The following CBFA2T2 variants were observed in gnomAD, a reference collection of about 807,000 sequenced individuals.
CBFA2T2 encodes the protein CBFA2/RUNX1 partner transcriptional co-repressor 2.
Under a neutral mutation model 62.2 loss-of-function variants are expected in CBFA2T2, and 11 were observed. The ratio of observed to expected loss-of-function variants is 0.18; its 90% confidence interval spans 0.11 to 0.29. The LOEUF (loss-of-function observed/expected upper bound fraction) is 0.29. Among genes scored for constraint, CBFA2T2 ranks in the 10% least tolerant of loss-of-function variants. The pLI, the probability that CBFA2T2 is intolerant of heterozygous loss-of-function variation, is 1.00. For synonymous variants in CBFA2T2, 295 were observed against 287.5 expected, an observed-to-expected ratio of 1.03 and a Z score of -0.27; for missense variants, 592 against 774.1, an observed-to-expected ratio of 0.76 and a Z score of 2.79.
intron 1 of CBFA2T2, among the ~76,000 whole-genome samples, chr20:33,537,508 GGTGAGA>G (rs1264813603): frequency 1.3e-5 from 2 of 152,166 alleles, no homozygotes; most frequent in Non-Finnish European, 2.9e-5. Flanking sequence ...CGTGGGCCGT[GGTGAGA>G]GTGAGAGGGA....
chr20:33,613,748 T>G (rs2015608411), intron 3 of CBFA2T2, among the ~76,000 whole-genome samples: 1 of 152,180 alleles, frequency 6.6e-6, no homozygotes, highest in African/African-American at 2.4e-5. Flanking sequence ...TAAACCTGTT[T>G]ATTCCTCAAA....
Position 33,569,232 on chromosome 20 carries a change from A to G in CBFA2T2, c.35-37724A>G, listed in dbSNP as rs565239037. Among the ~76,000 whole-genome samples, 3 of 152,352 alleles carry G rather than the reference A, an allele frequency of 2.0e-5. No individual in the cohort carries two copies. In the South Asian group the frequency reaches 6.2e-4, roughly 32 times the overall value. On this transcript the variant is annotated intron_variant, in intron 1 of 10. Transcript: ENST00000342704. ...GTTTGTTAAATTTAATCCAGTGGGC[A>G]GTATGTTAGGAAAGGGGCCTAGTTT...
Position 33,624,253 on chromosome 20 carries a change from AAAG to A in CBFA2T2, c.693-508_693-506del, listed in dbSNP as rs869291964. Among the ~76,000 whole-genome samples the A allele has an allele frequency of 6.0e-3, 909 of 150,736 alleles. 4 individuals are homozygous for A. Among genetic ancestry groups the A allele is most frequent in the African/African-American group, 0.021 (861 of 40,840 alleles). ...TTTAAAAGTAAAAAAAAAAAAAAAA[AAAG>A]AAAATTTATTACAGTTGAATCTGAG... On this transcript the variant is annotated intron_variant, in intron 5 of 10. Transcript: ENST00000342704.
chr20:33,556,212 T>C (rs2012894569), intron 1 of CBFA2T2, among the ~76,000 whole-genome samples: 1 of 152,212 alleles, frequency 6.6e-6, no homozygotes, highest in African/African-American at 2.4e-5. Flanking sequence ...CTGCCTCCTC[T>C]TCTCCCCTCC....
chr20:33,615,980 G>A lies in CBFA2T2; in HGVS notation c.421-3537G>A, dbSNP rs1229552830. Among the ~76,000 whole-genome samples the A allele has an allele frequency of 3.9e-5, 6 of 152,180 alleles. 1 individual carries two copies. In the East Asian group the frequency reaches 1.2e-3, roughly 29 times the overall value. On this transcript the variant is annotated intron_variant, in intron 3 of 10. Coordinates refer to ENST00000342704, the MANE Select transcript of CBFA2T2 (RefSeq NM_001032999.3). ...AGTCCCAGATACTCAGGAAGTTGAGGCAGGAGGATCACTTAAGCCCAGGAG... is the reference window on the plus strand; with the variant it reads ...AGTCCCAGATACTCAGGAAGTTGAGACAGGAGGATCACTTAAGCCCAGGAG...
Position 33,515,756 on chromosome 20 carries a change from G to A in CBFA2T2, c.34+25455G>A, listed in dbSNP as rs1057149058. 9.8e-5 allele frequency among the ~76,000 whole-genome samples: 12 copies of A among 122,932 alleles called. No homozygotes were observed. In the Admixed American group the frequency reaches 1.1e-3, roughly 12 times the overall value. The allele number at this position is 122,932 out of a possible 152,430, so 80.6% of individuals were successfully genotyped here. On this transcript the variant is annotated intron_variant, in intron 1 of 10. Transcript: ENST00000342704. ...GCAGAGGTTGCAGTGAGCCGAGATTGTGCCATTACACTCCATCCTGGGCCA... is the reference window on the plus strand; with the variant it reads ...GCAGAGGTTGCAGTGAGCCGAGATTATGCCATTACACTCCATCCTGGGCCA...
intron 1 of CBFA2T2, among the ~76,000 whole-genome samples, chr20:33,530,107 T>G (rs762926904): frequency 3.3e-5 from 5 of 151,924 alleles, no homozygotes; most frequent in South Asian, 2.1e-4. Flanking sequence ...TATTTTTTAA[T>G]AGAGATCAGG....
intron 1 of CBFA2T2, among the ~76,000 whole-genome samples, chr20:33,529,151 G>A (rs994728099): frequency 2.6e-5 from 4 of 151,758 alleles, no homozygotes; most frequent in African/African-American, 9.7e-5. Flanking sequence ...TCAGCCTCCC[G>A]AGTAGCTGGG....
intron 3 of CBFA2T2, among the ~76,000 whole-genome samples, chr20:33,616,741 G>T (rs1039111084): frequency 2.0e-5 from 3 of 150,782 alleles, no homozygotes. Flanking sequence ...AAAAAAAAAA[G>T]ATGTAAGCAT....
intron 1 of CBFA2T2, among the ~76,000 whole-genome samples, chr20:33,498,046 T>C (rs550373584): frequency 4.8e-4 from 73 of 152,232 alleles, no homozygotes; most frequent in Non-Finnish European, 8.1e-4. Context: ...TTTATCTTAC[T>C]GTATTTTTAA....
chr20:33,576,041 C>A (rs1476661127), intron 1 of CBFA2T2, among the ~76,000 whole-genome samples: 1 of 152,114 alleles, frequency 6.6e-6, no homozygotes, highest in Non-Finnish European at 1.5e-5. Context: ...CCCACCTTGG[C>A]CTCCCAAAGT....
chr20:33,622,721 G>C (rs1393779604), intron 4 of CBFA2T2, among the ~76,000 whole-genome samples: 1 of 152,166 alleles, frequency 6.6e-6, no homozygotes, highest in Non-Finnish European at 1.5e-5. Flanking sequence ...AGATGAGTTG[G>C]GGTCCAGAAG....
intron 1 of CBFA2T2, among the ~76,000 whole-genome samples, chr20:33,547,680 CA>C (rs1390272090): frequency 7.4e-6 from 1 of 135,400 alleles, no homozygotes. Context: ...GACCCTGTCT[CA>C]AAAAAATGTG....
chr20:33,566,593 A>G (rs767227179), intron 1 of CBFA2T2, among the ~76,000 whole-genome samples: 4 of 149,726 alleles, frequency 2.7e-5, no homozygotes, highest in Non-Finnish European at 5.9e-5. Flanking sequence ...GCAACAGAGC[A>G]AGACTCAGTC....
In CBFA2T2 at chr20:33,642,735, A is replaced by T. The variant is rs1331469656; in HGVS notation, c.1489-1612A>T. 2.0e-5 allele frequency among the ~76,000 whole-genome samples: 3 copies of T among 152,232 alleles called. No homozygotes were observed. The East Asian group carries it at 5.8e-4, about 29-fold the overall frequency. ...TAACTGTGTATGTATAGCCATCCAT[A>T]TCAGTATCTGTATTTGTCCTTATTT... On this transcript the variant is annotated intron_variant, in intron 10 of 10. Coordinates refer to ENST00000342704, the MANE Select transcript of CBFA2T2 (RefSeq NM_001032999.3).
chr20:33,543,175 G>A (rs888691235), intron 1 of CBFA2T2, among the ~76,000 whole-genome samples: 25 of 151,962 alleles, frequency 1.6e-4, no homozygotes, highest in African/African-American at 5.1e-4. Flanking sequence ...CACCATGCCC[G>A]GCTAACTTTT....
intron 1 of CBFA2T2, among the ~76,000 whole-genome samples, chr20:33,555,617 T>C (rs2012875061): frequency 6.6e-6 from 1 of 152,218 alleles, no homozygotes; most frequent in South Asian, 2.1e-4. Flanking sequence ...AATACTTAAA[T>C]GCATATTTCC....
At chr20:33,630,178 C>A (rs2016397277) in intron 8 of CBFA2T2, among the ~76,000 whole-genome samples, 1 of 152,028 alleles carries the variant, frequency 6.6e-6, no homozygotes, top group Non-Finnish European at 1.5e-5. Flanking sequence ...GGACTCCTGG[C>A]CTCAAGCAAT....
chr20:33,637,345 A>G (rs1206814854), intron 9 of CBFA2T2, among the ~76,000 whole-genome samples: 1 of 152,248 alleles, frequency 6.6e-6, no homozygotes, highest in Non-Finnish European at 1.5e-5. Flanking sequence ...TCTTACTAAG[A>G]TAAAATTTAT....
Sources: gnomAD v4.1 joint callset for allele counts (sites outside exome capture counted in the v4.1 genomes callset) on GRCh38, gnomAD v4.1.1 for gene constraint, MANE v1.5 for transcripts, NCBI Gene and HGNC (gene_info 2026-07-23, HGNC 2026-07-21) for gene names.